EXOC3L4: variants seen among roughly 807,000 people sequenced by gnomAD.
The protein encoded by EXOC3L4 is exocyst complex component 3 like 4.
Under a neutral mutation model 69.7 loss-of-function variants are expected in EXOC3L4, and 62 were observed. The observed-to-expected ratio is 0.89, with a 90% confidence interval of 0.72 to 1.10. EXOC3L4 has a LOEUF of 1.10. Among genes scored for constraint, EXOC3L4 ranks in the 50% least tolerant of loss-of-function variants. The probability of loss-of-function intolerance (pLI) is 0.00; values close to 1 mark genes in which losing one functional copy is unlikely to be tolerated. For missense variants in EXOC3L4, 1,087 were observed against 1,034.8 expected, an observed-to-expected ratio of 1.05 and a Z score of -0.69; for synonymous variants, 502 against 464.2, an observed-to-expected ratio of 1.08 and a Z score of -1.05.
Position 103,100,632 on chromosome 14 carries a change from A to T in EXOC3L4, c.394+19A>T. The T allele has an allele frequency of 1.9e-6, 3 of 1,587,932 alleles. No homozygotes were observed. Among genetic ancestry groups the T allele is most frequent in the Non-Finnish European group, 2.6e-6 (3 of 1,163,476 alleles). ...GAGGCAGGTAAGGGCCTCAGAAACA[A>T]CACGAAGCATGAAAGGAAACGGGCC... On this transcript the variant is annotated intron_variant, in intron 2 of 11. Transcript: ENST00000688303.
Position 103,102,507 on chromosome 14 carries a change from G to A in EXOC3L4, c.784G>A (p.Ala262Thr). 1 of 1,382,162 alleles carries A rather than the reference G, an allele frequency of 7.2e-7. No homozygotes were observed. The allele number at this position is 1,382,162 out of a possible 1,614,324, so 85.6% of individuals were successfully genotyped here. Residue 262 changes from alanine to threonine, a missense_variant, in exon 3 of 12, where the codon GCG becomes ACG. Coordinates refer to ENST00000688303, the MANE Select transcript of EXOC3L4 (RefSeq NM_001077594.2). ...TCAGGAGCGCGTGCGGCGGCCGGGC[G>A]CGGGGTGGGCCTTCGGGGAGGCGGA... Reference protein sequence around the residue: ...SAQERVRRPGAGWAFGEAEGA... With the variant: ...SAQERVRRPGTGWAFGEAEGA...
At chr14:103,100,693 G>C (rs1890140310) in intron 2 of EXOC3L4, 80 bp downstream of exon 2, 1 of 1,469,568 alleles carries the variant, frequency 6.8e-7, no homozygotes, top group African/African-American at 1.4e-5. Flanking sequence ...TTTCCGGAAA[G>C]GCTGTCCTCC....
Position 103,110,154 on chromosome 14 carries a change from T to C in EXOC3L4, c.2100T>C (p.Pro700=), listed in dbSNP as rs1386274683. 1.3e-6 allele frequency: 2 copies of C among 1,544,302 alleles called. No homozygotes were observed. The highest frequency in any genetic ancestry group is 8.7e-7 in the Non-Finnish European group (1 of 1,143,832). Reference sequence around the variant, plus strand: ...CCGGGGCGGCGGGTGCGGAGGCCCCTCGGGGCCGCGTGCTCTTCGAGGAGA... The same window carrying C: ...CCGGGGCGGCGGGTGCGGAGGCCCCCCGGGGCCGCGTGCTCTTCGAGGAGA... ...AAAGAAGAEA[P]RGRVLFEEIK... Residue 700 remains proline (P), a synonymous_variant, in exon 12 of 12, where the codon CCT becomes CCC. Transcript: ENST00000688303.
Position 103,107,432 on chromosome 14 carries a change from C to T in EXOC3L4, c.1590C>T (p.Phe530=). Residue 530 remains phenylalanine, a synonymous_variant, in exon 9 of 12, where the codon TTC becomes TTT. Coordinates refer to ENST00000688303, the MANE Select transcript of EXOC3L4 (RefSeq NM_001077594.2). ...QGLQRELQPL[F]RVVCTRDWLT... is the part of the protein sequence containing the mutation. ...AGCCCCTCTGTCCCCAGCCGCTCTT[C>T]AGGGTTGTGTGCACCAGGGACTGGC... is the stretch of plus-strand genomic sequence containing the variant. 6.2e-7 allele frequency: 1 copy of T among 1,613,938 alleles called. No homozygotes were observed. The highest frequency in any genetic ancestry group is 1.7e-5 in the Admixed American group (1 of 60,018).
Position 103,103,986 on chromosome 14 carries a change from G to T in EXOC3L4, c.1095G>T (p.Pro365=), listed in dbSNP as rs1223995648. 1.9e-6 allele frequency: 3 copies of T among 1,569,520 alleles called. No individual in the cohort carries two copies. The highest frequency in any genetic ancestry group is 2.3e-5 in the East Asian group (1 of 42,720). ...GAPGLALPAE[P]LPPLLAPDVW... is the part of the protein sequence containing the mutation. ...CGGGGCTGGCGCTGCCCGCCGAGCCGCTGCCTCCGCTCCTGGCGCCGGACG... is the reference window on the plus strand; with the variant it reads ...CGGGGCTGGCGCTGCCCGCCGAGCCTCTGCCTCCGCTCCTGGCGCCGGACG... Residue 365 remains proline (P), a synonymous_variant, in exon 4 of 12, where the codon CCG becomes CCT. Transcript: ENST00000688303.
In EXOC3L4 at chr14:103,097,739, T is replaced by G. The variant is rs1396605294; in HGVS notation, c.-16-2465T>G. Among the ~76,000 whole-genome samples the G allele has an allele frequency of 2.0e-5, 3 of 152,094 alleles. No individual in the cohort carries two copies. Among genetic ancestry groups the G allele is most frequent in the East Asian group, 3.9e-4 (2 of 5,188 alleles). ...GCAAGGCATCTGAACCCCGAGGTCC[T>G]GAAACCCAAGTCAGGTTTGGAGAAC... is the stretch of plus-strand genomic sequence containing the variant. On this transcript the variant is annotated intron_variant, in intron 1 of 11. Transcript: ENST00000688303. This position sits in a 1 kb window ranked among gnomAD's most constrained non-coding sequence, Gnocchi z 4.9.
At position 103,104,018 on chromosome 14, in the gene EXOC3L4, C is replaced by A; in HGVS notation, c.1127C>A (p.Ala376Asp). 1 of 1,577,928 alleles carries A rather than the reference C, an allele frequency of 6.3e-7. No individual in the cohort carries two copies. The highest frequency in any genetic ancestry group is 1.8e-5 in the Admixed American group (1 of 56,882). The change falls in exon 4 of 12, where the codon GCC becomes GAC. Residue 376 changes from alanine (A) to aspartate (D), a missense_variant. Transcript: ENST00000688303. ...CCGCTCCTGGCGCCGGACGTGTGGG[C>A]CCGACTGGAGAGCGACTACACCAGC... ...LPPLLAPDVW[A>D]RLESDYTSFL...
Position 103,110,252 on chromosome 14 carries a change from G to T in EXOC3L4, c.*29G>T. The stretch of plus-strand genomic sequence containing the variant: ...TCTCTGGCTCGAGGGGGGGCCGGCC[G>T]CTGGCAGGGAGCTGTGGTCAGTGGG... On this transcript the variant is annotated 3_prime_UTR_variant, in exon 12 of 12. Transcript: ENST00000688303. The T allele has an allele frequency of 6.7e-7, 1 of 1,494,830 alleles. No homozygotes were observed. The highest frequency in any genetic ancestry group is 1.3e-5 in the South Asian group (1 of 76,946). 92.6% of individuals were successfully genotyped at this position (1,494,830 alleles called of 1,614,324 possible).
chr14:103,102,657 T>A lies in EXOC3L4; in HGVS notation c.934T>A (p.Tyr312Asn). 6.7e-7 allele frequency: 1 copy of A among 1,499,744 alleles called. No homozygotes were observed. 92.9% of individuals were successfully genotyped at this position (1,499,744 alleles called of 1,614,324 possible). Residue 312 changes from tyrosine (Y) to asparagine (N), a missense_variant, in exon 3 of 12, where the codon TAT becomes AAT. Coordinates refer to ENST00000688303, the MANE Select transcript of EXOC3L4 (RefSeq NM_001077594.2). The part of the protein sequence containing the change: ...AAAGFPAWEV[Y>N]LRAFHSAVAQ... ...GGCCGGCTTCCCAGCGTGGGAGGTC[T>A]ATCTGCGTGCCTTCCACAGCGCCGT...
chr14:103,101,050 G>A (rs779966899), intron 2 of EXOC3L4, among the ~76,000 whole-genome samples: 2 of 151,404 alleles, frequency 1.3e-5, no homozygotes, highest in East Asian at 1.9e-4. Context: ...CTACAGGTGC[G>A]TGCCAACACA....
At chr14:103,106,920 C>A in intron 8 of EXOC3L4, 21 bp downstream of exon 8, 1 of 1,520,598 alleles carries the variant, frequency 6.6e-7, no homozygotes, top group Non-Finnish European at 8.9e-7. Flanking sequence ...TAGGCCCTCT[C>A]TCCCTACTTC....
In EXOC3L4 at chr14:103,102,324, C is replaced by T. The variant is rs1176995101; in HGVS notation, c.601C>T (p.Leu201=). 1 of 1,566,744 alleles carries T rather than the reference C, an allele frequency of 6.4e-7. No individual in the cohort carries two copies. Among genetic ancestry groups the T allele is most frequent in the Admixed American group, 1.8e-5 (1 of 55,402 alleles). The change falls in exon 3 of 12, where the codon CTG becomes TTG. Residue 201 remains leucine (L), a synonymous_variant. Coordinates refer to ENST00000688303, the MANE Select transcript of EXOC3L4 (RefSeq NM_001077594.2). ...AEIGAIVRET[L]DSDGVDAAAL... is the part of the protein sequence containing the mutation. ...GATCGGCGCCATCGTGCGCGAGACG[C>T]TGGACAGCGACGGTGTGGACGCGGC...
At chr14:103,098,563 G>T (rs1157682721) in intron 1 of EXOC3L4, 3 of 152,300 alleles carry the variant, frequency 2.0e-5, no homozygotes, top group Non-Finnish European at 4.4e-5. Flanking sequence ...TCCCAAACAA[G>T]AAGGCGGGGC....
chr14:103,104,410 C>T, intron 5 of EXOC3L4, 21 bp downstream of exon 5: 8 of 1,537,172 alleles, frequency 5.2e-6, no homozygotes, highest in Non-Finnish European at 7.0e-6. Flanking sequence ...GGAGCAGGGG[C>T]TGAGAAGGGG....
chr14:103,104,574 G>C, intron 5 of EXOC3L4, 164 bp from the exon 6 acceptor site: 1 of 1,223,586 alleles, frequency 8.2e-7, no homozygotes, highest in Admixed American at 3.3e-5. Flanking sequence ...CTGCTGGATG[G>C]GAGTTTGCGG....
intron 4 of EXOC3L4, 55 bp from the exon 5 acceptor site, chr14:103,104,212 G>T (rs1245193610): frequency 1.3e-6 from 2 of 1,489,132 alleles, no homozygotes; most frequent in African/African-American, 2.9e-5. Context: ...CATCCCGGAC[G>T]GCGCGGGACG....
rs747896364 is a variant in EXOC3L4, at chr14:103,107,693, A to T, written c.1764A>T (p.Pro588=). The T allele has an allele frequency of 4.5e-6, 7 of 1,556,438 alleles. No homozygotes were observed. Among genetic ancestry groups the T allele is most frequent in the Non-Finnish European group, 6.1e-6 (7 of 1,149,318 alleles). The change falls in exon 10 of 12, where the codon CCA becomes CCT. Residue 588 remains proline (P), a synonymous_variant. Transcript: ENST00000688303. ...AGTACCTGGCGCGGGCGCTGAGGCC[A>T]CGGGAGCGGTTCCGGGGCATGGAGC... is the stretch of plus-strand genomic sequence containing the variant. ...VREYLARALR[P]RERFRGMERM...
In EXOC3L4 at chr14:103,104,260, C is replaced by A. The variant is rs761703839; in HGVS notation, c.1162-7C>A. 3.6e-5 allele frequency: 57 copies of A among 1,579,360 alleles called. No individual in the cohort carries two copies. Among genetic ancestry groups the A allele is most frequent in the Middle Eastern group, 2.3e-4 (1 of 4,426 alleles). On this transcript the variant is annotated splice_polypyrimidine_tract_variant and splice_region_variant and intron_variant, in intron 4 of 11. Transcript: ENST00000688303. ...GTCTCACCACGGCCCATCCCTTCTCCCCCCAGGCCAAGATCGCAAGCTGCT... is the reference window on the plus strand; with the variant it reads ...GTCTCACCACGGCCCATCCCTTCTCACCCCAGGCCAAGATCGCAAGCTGCT...
At position 103,105,085 on chromosome 14, in the gene EXOC3L4, C is replaced by G. The variant is rs772091584; in HGVS notation, c.1466+13C>G. The G allele has an allele frequency of 6.3e-7, 1 of 1,588,740 alleles. No homozygotes were observed. Among genetic ancestry groups the G allele is most frequent in the Non-Finnish European group, 8.6e-7 (1 of 1,165,062 alleles). ...GCGAGGAGCTCAGGTAGGGCTCGCC[C>G]GCTCCTGTGCGGGCGCAGCGTGGCC... On this transcript the variant is annotated intron_variant, in intron 7 of 11. Transcript: ENST00000688303.
Sources: allele counts gnomAD v4.1 joint callset (sites outside exome capture counted in the v4.1 genomes callset), GRCh38; gene constraint gnomAD v4.1.1; non-coding constraint Gnocchi (gnomAD v3.1); transcripts MANE v1.5; gene names NCBI Gene and HGNC (gene_info 2026-07-23, HGNC 2026-07-21).